Variants in PPP1R21 observed in about 807,000 individuals in gnomAD.
PPP1R21 encodes the protein protein phosphatase 1 regulatory subunit 21.
A neutral mutation model predicts 112.8 loss-of-function variants in PPP1R21; 85 were observed. The observed-to-expected ratio is 0.75, with a 90% CI of 0.63 to 0.90. PPP1R21 has a LOEUF of 0.90. PPP1R21 is among the 40% of genes least tolerant of loss of function. The pLI is 0.00. For missense variants in PPP1R21, 1,199 were observed against 901.5 expected, an observed-to-expected ratio of 1.33 and a Z score of -4.23; for synonymous variants, 381 against 322.3, an observed-to-expected ratio of 1.18 and a Z score of -1.95.
chr2:48,498,910 G>A (rs900044569), intron 17 of PPP1R21, among the ~76,000 whole-genome samples, 175 bp downstream of exon 17: 16 of 152,144 alleles, frequency 1.1e-4, no homozygotes, highest in African/African-American at 3.4e-4. Context: ...AGGCTGGGAC[G>A]TTCAGGATTA....
intron 16 of PPP1R21, 80 bp from the exon 17 acceptor site, chr2:48,498,413 A>C: frequency 6.8e-7 from 1 of 1,469,058 alleles, no homozygotes; most frequent in Non-Finnish European, 9.4e-7. Context: ...GTTTTGGTTT[A>C]CATTCTGTAA....
intron 18 of PPP1R21, among the ~76,000 whole-genome samples, 153 bp downstream of exon 18, chr2:48,505,749 G>T (rs571501810): frequency 6.6e-6 from 1 of 152,190 alleles, no homozygotes; most frequent in Admixed American, 6.5e-5. Flanking sequence ...CCACCTTCGT[G>T]TATGGATCCA....
intron 14 of PPP1R21, among the ~76,000 whole-genome samples, chr2:48,488,094 A>G (rs1447869647): frequency 6.6e-6 from 1 of 152,188 alleles, no homozygotes; most frequent in East Asian, 1.9e-4. Context: ...CATGTTAGAC[A>G]TTTCAGTGTC....
At chr2:48,495,560 G>C (rs1473056857) in intron 15 of PPP1R21, 119 bp from the exon 16 acceptor site, 2 of 633,814 alleles carry the variant, frequency 3.2e-6, no homozygotes, top group East Asian at 2.6e-5. Context: ...AAAATAGTCT[G>C]CTTTGACATA....
Position 48,491,173 on chromosome 2 carries a change from T to A in PPP1R21, c.1599+3T>A, listed in dbSNP as rs1248421106. 6.2e-7 allele frequency: 1 copy of A among 1,608,750 alleles called. No homozygotes were observed. The highest frequency in any genetic ancestry group is 1.7e-5 in the Admixed American group (1 of 58,508). On this transcript the variant is annotated splice_donor_region_variant and intron_variant, in intron 15 of 21. Transcript: ENST00000294952. ...CCTATATGAAGTCTTTGAGAAAGGT[T>A]TGTTAGCTGCTGTTAATATTTAAAT...
chr2:48,462,801 G>T (rs1317183203), intron 7 of PPP1R21, among the ~76,000 whole-genome samples: 1 of 152,198 alleles, frequency 6.6e-6, no homozygotes, highest in East Asian at 1.9e-4. Context: ...TGGCAACAGA[G>T]TGTAGATTAC....
chr2:48,488,347 A>G (rs1469766480), intron 14 of PPP1R21, among the ~76,000 whole-genome samples: 3 of 151,266 alleles, frequency 2.0e-5, no homozygotes, highest in Admixed American at 6.6e-5. Flanking sequence ...TTGGTATTTT[A>G]TGAGTCTCTG....
intron 9 of PPP1R21, among the ~76,000 whole-genome samples, chr2:48,467,849 G>T (rs778313778): frequency 6.6e-6 from 1 of 152,208 alleles, no homozygotes; most frequent in South Asian, 2.1e-4. Flanking sequence ...CTCTCACAGG[G>T]TGGAAATTGA....
In PPP1R21 at chr2:48,507,344, T is replaced by C; in HGVS notation, c.2044T>C (p.Leu682=). 6.3e-7 allele frequency: 1 copy of C among 1,596,312 alleles called. No homozygotes were observed. Among genetic ancestry groups the C allele is most frequent in the Non-Finnish European group, 8.5e-7 (1 of 1,174,528 alleles). The part of the protein sequence containing the change: ...MARIVELTSQ[L]QLADSKSVHF... The stretch of plus-strand genomic sequence containing the variant: ...AAGGATAGTGGAACTTACGTCTCAG[T>C]TGCAGCTGGCTGACAGTAAGTCAGT... Residue 682 remains leucine (L), a synonymous_variant, in exon 19 of 22, where the codon TTG becomes CTG. Coordinates refer to ENST00000294952, the MANE Select transcript of PPP1R21 (RefSeq NM_001135629.3).
At chr2:48,476,475 G>A (rs1668759522) in intron 12 of PPP1R21, among the ~76,000 whole-genome samples, 1 of 152,176 alleles carries the variant, frequency 6.6e-6, no homozygotes, top group Admixed American at 6.5e-5. Flanking sequence ...ACCTAGGAAT[G>A]GAATTCCTGG....
At chr2:48,466,760 T>C (rs1194303815) in intron 9 of PPP1R21, among the ~76,000 whole-genome samples, 4 of 151,930 alleles carry the variant, frequency 2.6e-5, no homozygotes, top group South Asian at 2.1e-4. Context: ...CAGGAAAGCA[T>C]AGGGAGTGTG....
intron 15 of PPP1R21, among the ~76,000 whole-genome samples, chr2:48,492,122 C>T (rs1362450080): frequency 6.6e-6 from 1 of 152,132 alleles, no homozygotes. Flanking sequence ...CATCTTTAAA[C>T]GTTTTAACTA....
intron 1 of PPP1R21, among the ~76,000 whole-genome samples, chr2:48,443,544 C>T (rs1490817061): frequency 6.6e-6 from 1 of 152,110 alleles, no homozygotes; most frequent in African/African-American, 2.4e-5. Context: ...GGAGGATGTG[C>T]CTGGAGGAGG....
intron 1 of PPP1R21, among the ~76,000 whole-genome samples, chr2:48,442,250 C>T (rs1208001994): frequency 6.6e-6 from 1 of 151,974 alleles, no homozygotes; most frequent in Non-Finnish European, 1.5e-5. Context: ...AAATTTGGCT[C>T]TACTATTTTT....
At chr2:48,449,481 G>A (rs2103750690) in intron 1 of PPP1R21, among the ~76,000 whole-genome samples, 1 of 152,274 alleles carries the variant, frequency 6.6e-6, no homozygotes, top group South Asian at 2.1e-4. Flanking sequence ...TTGTGGTAAT[G>A]AACTGTCATC....
intron 1 of PPP1R21, among the ~76,000 whole-genome samples, chr2:48,443,124 A>T (rs944213319): frequency 1.3e-5 from 2 of 152,118 alleles, no homozygotes; most frequent in Non-Finnish European, 2.9e-5. Context: ...CCTTTTTTTG[A>T]GTGCCTGCTG....
At chr2:48,478,075 G>A (rs1396894555) in intron 12 of PPP1R21, among the ~76,000 whole-genome samples, 3 of 152,234 alleles carry the variant, frequency 2.0e-5, no homozygotes, top group African/African-American at 4.8e-5. Flanking sequence ...AGGGATTGGA[G>A]TTATGCTGCC....
In PPP1R21 at chr2:48,498,744, C is replaced by G; in HGVS notation, c.1935+9C>G. On this transcript the variant is annotated intron_variant, in intron 17 of 21. Transcript: ENST00000294952. ...TTCAGAGCACCAGTCTAGTAAGTGTCTTCTTGGTTGTCCTCAGTTTTCTTT... is the reference window on the plus strand; with the variant it reads ...TTCAGAGCACCAGTCTAGTAAGTGTGTTCTTGGTTGTCCTCAGTTTTCTTT... The G allele has an allele frequency of 6.2e-7, 1 of 1,611,772 alleles. No homozygotes were observed. Among genetic ancestry groups the G allele is most frequent in the Non-Finnish European group, 8.5e-7 (1 of 1,178,352 alleles).
chr2:48,469,439 TATATAGAGAGAGC>T (rs1668380851), intron 9 of PPP1R21, among the ~76,000 whole-genome samples: 2 of 96,326 alleles, frequency 2.1e-5, no homozygotes, highest in Admixed American at 1.3e-4. Context: ...AGCATATATA[TATATAGAGAGAGC>T]ATATATATAT....
Sources: gnomAD v4.1 joint callset for allele counts (sites outside exome capture counted in the v4.1 genomes callset) on GRCh38, gnomAD v4.1.1 for gene constraint, MANE v1.5 for transcripts, NCBI Gene and HGNC (gene_info 2026-07-23, HGNC 2026-07-21) for gene names.